Variants in UBA7 observed in about 807,000 individuals in gnomAD.
UBA7 encodes ubiquitin-like modifier-activating enzyme 7.
A neutral mutation model predicts 113.0 loss-of-function variants in UBA7; 88 were observed. That is an observed-to-expected ratio of 0.78 (90% CI 0.66 to 0.93). The LOEUF (loss-of-function observed/expected upper bound fraction) is 0.93, where lower values mean the gene tolerates loss of function less well. Ranked by LOEUF, UBA7 falls within the 40% of genes least tolerant of loss-of-function variation. UBA7 has a pLI of 0.00. For missense variants in UBA7, 1,092 were observed against 1,266.4 expected, an observed-to-expected ratio of 0.86 and a Z score of 2.09; for synonymous variants, 459 against 513.0, an observed-to-expected ratio of 0.89 and a Z score of 1.42.
intron 9 of UBA7, 40 bp downstream of exon 9, chr3:49,811,233 A>C: frequency 6.2e-7 from 1 of 1,611,978 alleles, no homozygotes; most frequent in South Asian, 1.1e-5. Context: ...ACTGATCTCC[A>C]CATCTTCCCA....
In UBA7 at chr3:49,813,168, C is replaced by T; in HGVS notation, c.361G>A (p.Val121Met). 6.2e-7 allele frequency: 1 copy of T among 1,613,994 alleles called. No individual in the cohort carries two copies. Among genetic ancestry groups the T allele is most frequent in the Non-Finnish European group, 8.5e-7 (1 of 1,179,908 alleles). ...AGCTTTGCAGCAGTCAGCACCACCA[C>T]CTGGGTGGACACAGTGATCAGCAGG... ...ITEDLLLDFQ[V>M]VVLTAAKLEE... Residue 121 changes from valine to methionine, a missense_variant and splice_region_variant, in exon 4 of 24, where the codon GTG (valine) becomes ATG (methionine). Coordinates refer to ENST00000333486, the MANE Select transcript of UBA7 (RefSeq NM_003335.3).
Position 49,811,020 on chromosome 3 carries a change from A to G in UBA7, c.1194T>C (p.Asp398=), listed in dbSNP as rs751609461. Residue 398 remains aspartate (D), a synonymous_variant, in exon 10 of 24, where the codon GAT becomes GAC. Coordinates refer to ENST00000333486, the MANE Select transcript of UBA7 (RefSeq NM_003335.3). The stretch of plus-strand genomic sequence containing the variant: ...CCTCAGGACTGGGAAGGAGCTCCCC[A>G]TCTTCCGGAAGACAATCGAGGGCAT... The part of the protein sequence containing the change: ...YFDALDCLPE[D]GELLPSPEDC... 1.2e-6 allele frequency: 2 copies of G among 1,614,062 alleles called. No individual in the cohort carries two copies. Among genetic ancestry groups the G allele is most frequent in the South Asian group, 1.1e-5 (1 of 91,078 alleles).
In UBA7 at chr3:49,808,457, G is replaced by A. The variant is rs1267347028; in HGVS notation, c.2359C>T (p.Gln787Ter). ...TCCAGGGCTTTGTTCAGTTCCTTCT[G>A]CTGCTCAGGGCCTGTCAGGGGAGGG... is the stretch of plus-strand genomic sequence containing the variant. ...SASAEFGPEQ[Q>*]KELNKALEVW... Residue 787 changes from glutamine to a stop codon, truncating the protein, a stop_gained, in exon 19 of 24, where the codon CAG becomes TAG. Coordinates refer to ENST00000333486, the MANE Select transcript of UBA7 (RefSeq NM_003335.3). LOFTEE classifies it high-confidence loss of function. 1 of 1,613,980 alleles carries A rather than the reference G, an allele frequency of 6.2e-7. No individual in the cohort carries two copies. Among genetic ancestry groups the A allele is most frequent in the Non-Finnish European group, 8.5e-7 (1 of 1,179,998 alleles).
rs2081480577 is a variant in UBA7, at chr3:49,807,869, G to A, written c.2582C>T (p.Ala861Val). 1 of 1,613,706 alleles carries A rather than the reference G, an allele frequency of 6.2e-7. No homozygotes were observed. Residue 861 changes from alanine to valine, a missense_variant, in exon 21 of 24, where the codon GCA (alanine) becomes GTA (valine). Transcript: ENST00000333486. The surrounding 1 kb of genome is among the most constrained non-coding windows in gnomAD (Gnocchi z 4.0). Reference protein sequence around the residue: ...PAIATTTAAVAGLLGLELYKV... With the variant: ...PAIATTTAAVVGLLGLELYKV... ...ATACAGCTCCAGGCCCAACAGGCCT[G>A]CCACAGCTGCTGTAGTGGTGGCAAT... is the stretch of plus-strand genomic sequence containing the variant.
In UBA7 at chr3:49,807,858, C is replaced by T; in HGVS notation, c.2593G>A (p.Gly865Ser). The T allele has an allele frequency of 1.2e-6, 2 of 1,614,006 alleles. No homozygotes were observed. Among genetic ancestry groups the T allele is most frequent in the Non-Finnish European group, 1.7e-6 (2 of 1,179,892 alleles). The change falls in exon 21 of 24, where the codon GGC (glycine) becomes AGC (serine). Residue 865 changes from glycine to serine, a missense_variant. Gly to Ser is a moderately conservative substitution (Grantham distance 56). Around this residue, in one of 3 missense-constraint regions of UBA7, gnomAD observed 500 missense variants for 529.3 expected, o/e 0.94. Coordinates refer to ENST00000333486, the MANE Select transcript of UBA7 (RefSeq NM_003335.3). The surrounding 1 kb of genome is among the most constrained non-coding windows in gnomAD (Gnocchi z 4.0). ...TTTAAVAGLL[G>S]LELYKVVSGP... ...CTCACCACCTTATACAGCTCCAGGC[C>T]CAACAGGCCTGCCACAGCTGCTGTA...
Position 49,810,682 on chromosome 3 carries a change from G to A in UBA7, c.1312-10C>T. 6.2e-7 allele frequency: 1 copy of A among 1,614,092 alleles called. No individual in the cohort carries two copies. Among genetic ancestry groups the A allele is most frequent in the Non-Finnish European group, 8.5e-7 (1 of 1,179,958 alleles). ...TGGCACCAGCGCCCACCTGTTGGCA[G>A]GAACAGCCTTAGCCAGAGGGGCTGG... On this transcript the variant is annotated splice_polypyrimidine_tract_variant and intron_variant, in intron 11 of 23. Transcript: ENST00000333486. This position sits in a 1 kb window ranked among gnomAD's most constrained non-coding sequence, Gnocchi z 5.6.
At chr3:49,806,329 C>T in intron 21 of UBA7, 164 bp from the exon 22 acceptor site, 1 of 641,888 alleles carries the variant, frequency 1.6e-6, no homozygotes, top group Non-Finnish European at 2.7e-6. Context: ...TCTCAGCCCC[C>T]TCCCCGTCCA....
In UBA7 at chr3:49,813,767, C is replaced by T. The variant is rs757347045; in HGVS notation, c.21G>A (p.Ser7=). The change falls in exon 1 of 24, where the codon TCG becomes TCA. Residue 7 remains serine, a synonymous_variant. Coordinates refer to ENST00000333486, the MANE Select transcript of UBA7 (RefSeq NM_003335.3). MDALDA[S]KLLDEELYSR... is the part of the protein sequence containing the mutation. ...AATACAGCTCCTCATCCAGTAGCTT[C>T]GAAGCGTCCAGGGCATCCATCCTCA... 9 of 1,614,192 alleles carry T rather than the reference C, an allele frequency of 5.6e-6. No individual in the cohort carries two copies. The highest frequency in any genetic ancestry group is 2.7e-5 in the African/African-American group (2 of 75,052).
chr3:49,808,199 C>T, intron 19 of UBA7, 87 bp from the exon 20 acceptor site: 1 of 1,562,996 alleles, frequency 6.4e-7, no homozygotes. Context: ...AGTCTCCACA[C>T]AGTTCTGTCG....
Position 49,805,212 on chromosome 3 carries a change from C to T in UBA7, c.*96G>A. The T allele has an allele frequency of 2.3e-6, 3 of 1,320,558 alleles. No individual in the cohort carries two copies. The highest frequency in any genetic ancestry group is 2.5e-5 in the South Asian group (2 of 80,390). 81.8% of individuals were successfully genotyped at this position (1,320,558 alleles called of 1,614,324 possible). A position where few individuals can be genotyped will look rare whatever the true frequency, so the allele number is the denominator to read the frequency against. ...CGTCCATCCTCTCTGCAATGCCTTC[C>T]TTTAACAAGCATTTATTGAGTGCCT... On this transcript the variant is annotated 3_prime_UTR_variant, in exon 24 of 24. Coordinates refer to ENST00000333486, the MANE Select transcript of UBA7 (RefSeq NM_003335.3).
chr3:49,811,046 C>T lies in UBA7; in HGVS notation c.1168G>A (p.Asp390Asn), dbSNP rs1169966599. ...FMPLDQWLYF[D>N]ALDCLPEDGE... ...TCTTCCGGAAGACAATCGAGGGCAT[C>T]AAAGTAAAGCCACTGGTCCAGAGGC... Residue 390 changes from aspartate (D) to asparagine (N), a missense_variant, in exon 10 of 24, where the codon GAT becomes AAT. Physicochemically the swap from Asp to Asn is conservative, Grantham distance 23. This residue lies in a region of UBA7 where 584 missense variants were observed against 714.5 expected (regional missense o/e 0.82). Transcript: ENST00000333486. 1.2e-6 allele frequency: 2 copies of T among 1,614,084 alleles called. No homozygotes were observed. Among genetic ancestry groups the T allele is most frequent in the Non-Finnish European group, 1.7e-6 (2 of 1,180,000 alleles).
Position 49,810,309 on chromosome 3 carries a change from G to GA in UBA7, c.1586dup (p.Ser530LeufsTer51), listed in dbSNP as rs1414697585. ...CAGCAGCCACACCATCCACACGGGA[G>GA]AAAAAGTTATCCCCATAGATGTGCT... On this transcript the variant is annotated frameshift_variant, in exon 13 of 24. Coordinates refer to ENST00000333486, the MANE Select transcript of UBA7 (RefSeq NM_003335.3). LOFTEE classifies it high-confidence loss of function. This position sits in a 1 kb window ranked among gnomAD's most constrained non-coding sequence, Gnocchi z 5.6. 10 of 1,614,180 alleles carry GA rather than the reference G, an allele frequency of 6.2e-6. No homozygotes were observed. In the Middle Eastern group the frequency reaches 4.9e-4, roughly 80 times the overall value.
chr3:49,806,835 C>A (rs2081461182), intron 21 of UBA7, among the ~76,000 whole-genome samples: 1 of 152,014 alleles, frequency 6.6e-6, no homozygotes, highest in Non-Finnish European at 1.5e-5. Flanking sequence ...GGGGGCTTCT[C>A]CTTCACCTGC....
At chr3:49,808,287 G>T in intron 19 of UBA7, 99 bp downstream of exon 19, 1 of 1,545,656 alleles carries the variant, frequency 6.5e-7, no homozygotes, top group Non-Finnish European at 8.9e-7. Flanking sequence ...GTCTTGCTGG[G>T]AGAATTCAGG....
rs1044457904 is a variant in UBA7, at chr3:49,810,377, A to G, written c.1519T>C (p.Leu507=). ...AAAARGLNPD[L]QVIPLTYPLD... ...GGGTAGGTGAGCGGGATCACCTGTA[A>G]GTCTGGGTTCAGGCCCCGGGCAGCT... The change falls in exon 13 of 24, where the codon TTA becomes CTA. Residue 507 remains leucine (L), a synonymous_variant. Transcript: ENST00000333486. This position sits in a 1 kb window ranked among gnomAD's most constrained non-coding sequence, Gnocchi z 5.6. 10 of 1,613,966 alleles carry G rather than the reference A, an allele frequency of 6.2e-6. No homozygotes were observed. Among genetic ancestry groups the G allele is most frequent in the Non-Finnish European group, 8.5e-6 (10 of 1,180,018 alleles).
intron 8 of UBA7, 182 bp from the exon 9 acceptor site, chr3:49,811,637 A>C: frequency 9.0e-7 from 1 of 1,112,110 alleles, no homozygotes; most frequent in South Asian, 1.6e-5. Context: ...ACCAGACAGC[A>C]GTCCAGGAGG....
At position 49,805,446 on chromosome 3, in the gene UBA7, G is replaced by A. The variant is rs768888392; in HGVS notation, c.2910-9C>T. On this transcript the variant is annotated splice_polypyrimidine_tract_variant and intron_variant, in intron 23 of 23. Coordinates refer to ENST00000333486, the MANE Select transcript of UBA7 (RefSeq NM_003335.3). ...GAACCAGTTCTGTCACCCTGGTAGG[G>A]GTGGGTTTAGGGGAGATTGGAGAGG... 7.2e-5 allele frequency: 114 copies of A among 1,575,170 alleles called. No homozygotes were observed. The highest frequency in any genetic ancestry group is 2.1e-4 in the Admixed American group (12 of 57,210).
In UBA7 at chr3:49,813,715, C is replaced by A. The variant is rs776070523; in HGVS notation, c.56+17G>T. ...CTGAAGACCATCCCACTCTCCACCC[C>A]CCACCTCGGGCCTCACAGCTGTCTT... On this transcript the variant is annotated intron_variant, in intron 1 of 23. Transcript: ENST00000333486. 6 of 1,614,256 alleles carry A rather than the reference C, an allele frequency of 3.7e-6. No individual in the cohort carries two copies. The highest frequency in any genetic ancestry group is 1.1e-5 in the South Asian group (1 of 91,088).
Position 49,808,970 on chromosome 3 carries a change from C to T in UBA7, c.2347+6G>A, listed in dbSNP as rs747876669. ...CAGCATGAGGGGCCAGGGCCAGGAGCCTCACCAAACTCAGCAGAAGCCGAA... is the reference window on the plus strand; with the variant it reads ...CAGCATGAGGGGCCAGGGCCAGGAGTCTCACCAAACTCAGCAGAAGCCGAA... On this transcript the variant is annotated splice_donor_region_variant and intron_variant, in intron 18 of 23. Transcript: ENST00000333486. The T allele has an allele frequency of 6.8e-6, 11 of 1,612,214 alleles. No homozygotes were observed. Among genetic ancestry groups the T allele is most frequent in the Non-Finnish European group, 5.1e-6 (6 of 1,179,456 alleles).
Sources: allele counts gnomAD v4.1 joint callset (sites outside exome capture counted in the v4.1 genomes callset), GRCh38; gene constraint gnomAD v4.1.1; regional missense constraint gnomAD v4.1.1; non-coding constraint Gnocchi (gnomAD v3.1); transcripts MANE v1.5; gene names NCBI Gene and HGNC (gene_info 2026-07-23, HGNC 2026-07-21).